Variants in FAM135A observed in about 807,000 individuals in gnomAD.
The protein encoded by FAM135A is protein FAM135A.
Under a neutral mutation model 146.8 loss-of-function variants are expected in FAM135A, and 79 were observed. That is an observed-to-expected ratio of 0.54 (90% confidence interval 0.45 to 0.65). The LOEUF (loss-of-function observed/expected upper bound fraction) is 0.65, where lower values mean the gene tolerates loss of function less well. Among genes scored for constraint, FAM135A ranks in the 30% least tolerant of loss-of-function variants. The pLI, the probability that FAM135A is intolerant of heterozygous loss-of-function variation, is 0.00. For missense variants in FAM135A, 1,623 were observed against 1,758.2 expected, an observed-to-expected ratio of 0.92 and a Z score of 1.38; for synonymous variants, 562 against 603.6, an observed-to-expected ratio of 0.93 and a Z score of 1.01.
chr6:70,425,315 A>C (rs767772714), intron 2 of FAM135A, among the ~76,000 whole-genome samples: 4 of 152,150 alleles, frequency 2.6e-5, no homozygotes, highest in Non-Finnish European at 5.9e-5. Context: ...TTTACTTAGA[A>C]TCAAAACCAG....
At chr6:70,508,716 A>G (rs1561938345) in intron 12 of FAM135A, among the ~76,000 whole-genome samples, 1 of 152,210 alleles carries the variant, frequency 6.6e-6, no homozygotes, top group Non-Finnish European at 1.5e-5. Flanking sequence ...CATACAAAAT[A>G]TTTATAAATA....
At chr6:70,503,100 G>A (rs1035393116) in intron 12 of FAM135A, 7 of 168,306 alleles carry the variant, frequency 4.2e-5, no homozygotes, top group Non-Finnish European at 7.7e-5. Flanking sequence ...GCCTCATTAG[G>A]GACAGGAATC....
intron 8 of FAM135A, among the ~76,000 whole-genome samples, chr6:70,479,589 G>A (rs141934717): frequency 1.8e-3 from 276 of 152,216 alleles, no homozygotes; most frequent in Non-Finnish European, 3.0e-3. Flanking sequence ...AAGGGGAAGG[G>A]GAAGCTTTTT....
Position 70,524,131 on chromosome 6 carries a change from A to G in FAM135A, c.1258+10A>G. 1 of 1,600,694 alleles carries G rather than the reference A, an allele frequency of 6.2e-7. No individual in the cohort carries two copies. The highest frequency in any genetic ancestry group is 8.5e-7 in the Non-Finnish European group (1 of 1,171,812). On this transcript the variant is annotated intron_variant, in intron 14 of 21. Coordinates refer to ENST00000418814, the MANE Select transcript of FAM135A (RefSeq NM_001162529.3). ...GATTCAGTTACTGAAGGTAAGTGTA[A>G]TCTAACTAAAATATACAAGCTATGT...
chr6:70,535,610 T>C (rs1469706649), intron 18 of FAM135A, among the ~76,000 whole-genome samples: 1 of 152,190 alleles, frequency 6.6e-6, no homozygotes, highest in African/African-American at 2.4e-5. Flanking sequence ...AACTCCTGTT[T>C]GTGGAAAGAT....
At chr6:70,510,872 T>G (rs1056212023) in intron 12 of FAM135A, among the ~76,000 whole-genome samples, 4 of 152,216 alleles carry the variant, frequency 2.6e-5, no homozygotes, top group Non-Finnish European at 5.9e-5. Flanking sequence ...TGCACCACCT[T>G]ACATTCCCAC....
chr6:70,486,394 G>C, intron 10 of FAM135A: 1 of 631,108 alleles, frequency 1.6e-6, no homozygotes, highest in Non-Finnish European at 2.5e-6. Flanking sequence ...AATCAATTTG[G>C]TTTGTAGATA....
At position 70,452,506 on chromosome 6, in the gene FAM135A, G is replaced by T; in HGVS notation, c.92G>T (p.Arg31Leu). ...DLFQRGFYQI[R>L]ASMKIPSRIP... ...TTTTGCTTTAGTTTTTACCAGATTC[G>T]TGCTTCTATGAAAATTCCATCAAGA... The change falls in exon 5 of 22, where the codon CGT (arginine) becomes CTT (leucine). Residue 31 changes from arginine (R) to leucine (L), a missense_variant. By Grantham distance (102) the Arg-to-Leu change is moderately radical. Transcript: ENST00000418814. 6.3e-7 allele frequency: 1 copy of T among 1,594,992 alleles called. No homozygotes were observed. The highest frequency in any genetic ancestry group is 2.3e-5 in the East Asian group (1 of 43,378).
intron 20 of FAM135A, among the ~76,000 whole-genome samples, chr6:70,540,249 A>G (rs1374031299): frequency 6.8e-6 from 1 of 146,576 alleles, no homozygotes; most frequent in East Asian, 2.1e-4. Context: ...TGTTACTGTG[A>G]TGTCTTATCC....
intron 2 of FAM135A, among the ~76,000 whole-genome samples, chr6:70,422,223 G>A (rs1769004696): frequency 6.6e-6 from 1 of 152,144 alleles, no homozygotes. Context: ...CCCTGATAGT[G>A]TTACGCCAGC....
At chr6:70,415,401 GT>G (rs1767339567) in intron 2 of FAM135A, 25 bp downstream of exon 2, 1 of 151,692 alleles carries the variant, frequency 6.6e-6, no homozygotes, top group South Asian at 2.1e-4. Flanking sequence ...TTCTGTTTCT[GT>G]TTTAAGAAGG....
chr6:70,490,528 A>T (rs1031900793), intron 10 of FAM135A, among the ~76,000 whole-genome samples: 5 of 152,066 alleles, frequency 3.3e-5, no homozygotes, highest in African/African-American at 1.2e-4. Flanking sequence ...ATACATTAGG[A>T]ACTAACTATT....
At chr6:70,529,098 T>C (rs1339382139) in intron 16 of FAM135A, among the ~76,000 whole-genome samples, 1 of 152,102 alleles carries the variant, frequency 6.6e-6, no homozygotes, top group Non-Finnish European at 1.5e-5. Context: ...TGTCTCCCTT[T>C]GATAGTCTTT....
intron 4 of FAM135A, among the ~76,000 whole-genome samples, chr6:70,435,960 G>T (rs1773023450): frequency 6.6e-6 from 1 of 152,162 alleles, no homozygotes; most frequent in Non-Finnish European, 1.5e-5. Context: ...GAAGCAGGCT[G>T]ATCACCTGAG....
At chr6:70,444,566 T>C (rs1775285993) in intron 4 of FAM135A, among the ~76,000 whole-genome samples, 1 of 151,934 alleles carries the variant, frequency 6.6e-6, no homozygotes, top group Admixed American at 6.6e-5. Flanking sequence ...CCTGTCTCAA[T>C]AAGAAAAAGA....
chr6:70,519,979 T>C (rs1793192805), intron 12 of FAM135A, among the ~76,000 whole-genome samples: 1 of 152,180 alleles, frequency 6.6e-6, no homozygotes, highest in African/African-American at 2.4e-5. Context: ...TAGTATTCCA[T>C]ATTATTAAAA....
chr6:70,519,651 AGAT>A (rs1249047691), intron 12 of FAM135A, among the ~76,000 whole-genome samples: 3 of 152,270 alleles, frequency 2.0e-5, no homozygotes, highest in African/African-American at 7.2e-5. Flanking sequence ...CCGAAGGCTC[AGAT>A]GATCATTAGC....
intron 16 of FAM135A, among the ~76,000 whole-genome samples, chr6:70,531,957 A>G (rs1289115625): frequency 7.5e-6 from 1 of 133,036 alleles, no homozygotes; most frequent in Non-Finnish European, 1.5e-5. Context: ...ATCTCGGCTC[A>G]CTGCAAGCTC....
intron 4 of FAM135A, among the ~76,000 whole-genome samples, chr6:70,435,330 C>G (rs929986174): frequency 6.6e-6 from 1 of 151,814 alleles, no homozygotes; most frequent in African/African-American, 2.4e-5. Context: ...GTCTCAAACT[C>G]CTGACCTTAG....
Sources: gnomAD v4.1 joint callset for allele counts (sites outside exome capture counted in the v4.1 genomes callset) on GRCh38, gnomAD v4.1.1 for gene constraint, MANE v1.5 for transcripts, NCBI Gene and HGNC (gene_info 2026-07-23, HGNC 2026-07-21) for gene names.